KCNIP4: variants seen among roughly 807,000 people sequenced by gnomAD.
KCNIP4 encodes the protein potassium voltage-gated channel interacting protein 4.
A neutral mutation model predicts 34.0 loss-of-function variants in KCNIP4; 12 were observed. The ratio of observed to expected loss-of-function variants is 0.35; its 90% confidence interval spans 0.23 to 0.57. KCNIP4 has a LOEUF of 0.57. Ranked by LOEUF, KCNIP4 falls within the 20% of genes least tolerant of loss-of-function variation. The pLI is 0.83. For missense variants in KCNIP4, 238 were observed against 311.7 expected (o/e 0.76, Z 1.78); for synonymous variants, 124 against 102.2 (o/e 1.21, Z -1.29).
At chr4:20,836,550 C>A (rs1489393190) in intron 3 of KCNIP4, among the ~76,000 whole-genome samples, 1 of 152,124 alleles carries the variant, frequency 6.6e-6, no homozygotes, top group East Asian at 1.9e-4. Flanking sequence ...GGCAGGTGAG[C>A]AGGCTGGAAA....
chr4:21,299,485 T>A (rs899966616), intron 1 of KCNIP4, among the ~76,000 whole-genome samples: 7 of 152,158 alleles, frequency 4.6e-5, no homozygotes, highest in African/African-American at 1.7e-4. Context: ...CATTACTAGA[T>A]GGTGTAAAAA....
chr4:21,503,343 T>C (rs1200529807), intron 1 of KCNIP4, among the ~76,000 whole-genome samples: 1 of 152,148 alleles, frequency 6.6e-6, no homozygotes, highest in African/African-American at 2.4e-5. Flanking sequence ...AAAGAGGTAT[T>C]CAAAGCAAGC....
intron 3 of KCNIP4, among the ~76,000 whole-genome samples, chr4:20,827,842 T>C (rs1240550967): frequency 6.6e-6 from 1 of 150,536 alleles, no homozygotes; most frequent in East Asian, 2.0e-4. Context: ...ATAACACATA[T>C]ACATCTTCTG....
chr4:21,282,580 G>C (rs890052971), intron 1 of KCNIP4, among the ~76,000 whole-genome samples: 47 of 151,858 alleles, frequency 3.1e-4, no homozygotes, highest in African/African-American at 1.1e-3. Context: ...TCTATAAAAT[G>C]CTAAAAAGTA....
chr4:21,258,793 G>A (rs563689138), intron 1 of KCNIP4, among the ~76,000 whole-genome samples: 4 of 152,046 alleles, frequency 2.6e-5, no homozygotes, highest in Admixed American at 1.3e-4. Context: ...TTAGCCTATC[G>A]TACCCATGAT....
At chr4:21,729,516 G>GCA (rs1202264211) in intron 1 of KCNIP4, among the ~76,000 whole-genome samples, 1 of 152,116 alleles carries the variant, frequency 6.6e-6, no homozygotes, top group Admixed American at 6.5e-5. Flanking sequence ...TCACATAAAT[G>GCA]CACAGTAAAA....
intron 1 of KCNIP4, among the ~76,000 whole-genome samples, chr4:21,157,072 G>A (rs994639413): frequency 6.6e-6 from 1 of 151,966 alleles, no homozygotes; most frequent in Non-Finnish European, 1.5e-5. Context: ...TGACCTCTTC[G>A]GCCTTGAGTA....
At chr4:21,699,771 A>G (rs1712684171) in intron 1 of KCNIP4, among the ~76,000 whole-genome samples, 2 of 152,090 alleles carry the variant, frequency 1.3e-5, no homozygotes, top group Admixed American at 6.5e-5. Flanking sequence ...TAGCTGGGGT[A>G]AGGGATTTAG....
chr4:21,118,731 A>G (rs574421768), intron 1 of KCNIP4, among the ~76,000 whole-genome samples: 5 of 152,218 alleles, frequency 3.3e-5, no homozygotes, highest in Admixed American at 6.5e-5. Context: ...GAACCTTCTC[A>G]TATGTGTTTC....
At chr4:20,882,808 C>T (rs906307020) in intron 1 of KCNIP4, 99 bp from the exon 2 acceptor site, 55 of 847,134 alleles carry the variant, frequency 6.5e-5, no homozygotes, top group Non-Finnish European at 9.0e-5. Context: ...GGATCAGGGA[C>T]GCAGCCATCC....
chr4:21,737,756 A>C (rs1471607563), intron 1 of KCNIP4, among the ~76,000 whole-genome samples: 1 of 152,156 alleles, frequency 6.6e-6, no homozygotes, highest in East Asian at 1.9e-4. Flanking sequence ...ATAAAGGAAA[A>C]TACTCTGCGG....
At chr4:21,732,440 A>G (rs1018991906) in intron 1 of KCNIP4, among the ~76,000 whole-genome samples, 2 of 152,142 alleles carry the variant, frequency 1.3e-5, no homozygotes, top group Non-Finnish European at 2.9e-5. Flanking sequence ...ATGATCACCT[A>G]TTGTGTTCTT....
intron 1 of KCNIP4, among the ~76,000 whole-genome samples, chr4:21,690,162 C>T (rs372680586): frequency 2.0e-5 from 3 of 147,382 alleles, no homozygotes; most frequent in South Asian, 2.1e-4. Context: ...CACACACATA[C>T]GTAAATATAC....
intron 1 of KCNIP4, among the ~76,000 whole-genome samples, chr4:21,251,318 C>T (rs1471935869): frequency 2.0e-5 from 3 of 152,018 alleles, no homozygotes. Flanking sequence ...TCTCTGTGAG[C>T]TAAATGCTAT....
At chr4:21,479,329 A>G (rs1393105477) in intron 1 of KCNIP4, among the ~76,000 whole-genome samples, 1 of 152,216 alleles carries the variant, frequency 6.6e-6, no homozygotes, top group Non-Finnish European at 1.5e-5. Flanking sequence ...AAAGCTAAAA[A>G]CAATTTATTT....
At chr4:21,455,831 A>AC in intron 1 of KCNIP4, among the ~76,000 whole-genome samples, 1 of 121,724 alleles carries the variant, frequency 8.2e-6, no homozygotes, top group Non-Finnish European at 1.6e-5. Flanking sequence ...ATATATATAT[A>AC]TATATATATA....
intron 1 of KCNIP4, among the ~76,000 whole-genome samples, chr4:21,493,512 A>T (rs964361636): frequency 6.6e-6 from 1 of 152,286 alleles, no homozygotes; most frequent in East Asian, 1.9e-4. Context: ...GTACCACATA[A>T]ACTCCTACAA....
chr4:20,961,247 TAACA>T (rs758090067), intron 1 of KCNIP4, among the ~76,000 whole-genome samples: 9 of 152,118 alleles, frequency 5.9e-5, no homozygotes, highest in Non-Finnish European at 1.3e-4. Context: ...TTGGATTACT[TAACA>T]AACAAAAGGA....
intron 1 of KCNIP4, among the ~76,000 whole-genome samples, chr4:21,455,111 T>A (rs1728818587): frequency 6.6e-6 from 1 of 152,066 alleles, no homozygotes; most frequent in South Asian, 2.1e-4. Flanking sequence ...ACATTGCTCT[T>A]ATTCTGTCCT....
Sources: gnomAD v4.1 joint callset for allele counts (sites outside exome capture counted in the v4.1 genomes callset) on GRCh38, gnomAD v4.1.1 for gene constraint, MANE v1.5 for transcripts, NCBI Gene and HGNC (gene_info 2026-07-23, HGNC 2026-07-21) for gene names.